TMUB1: variants seen among roughly 807,000 people sequenced by gnomAD.
The protein encoded by TMUB1 is transmembrane and ubiquitin like domain containing 1.
In TMUB1, 9 loss-of-function variants were observed where a neutral mutation model predicts 16.2. That is an observed-to-expected ratio of 0.55 (90% CI 0.33 to 0.97). The LOEUF (loss-of-function observed/expected upper bound fraction) is 0.97, where lower values mean the gene tolerates loss of function less well. Ranked by LOEUF, TMUB1 falls within the 50% of genes least tolerant of loss-of-function variation. TMUB1 has a pLI of 0.03. For synonymous variants in TMUB1, 155 were observed against 152.2 expected, an observed-to-expected ratio of 1.02 and a Z score of -0.13; for missense variants, 309 against 313.5, an observed-to-expected ratio of 0.99 and a Z score of 0.11.
Position 151,082,614 on chromosome 7 carries a change from C to G in TMUB1, c.-30-21G>C, listed in dbSNP as rs1345924328. On this transcript the variant is annotated intron_variant, in intron 1 of 2. Transcript: ENST00000297533. This position sits in a 1 kb window ranked among gnomAD's most constrained non-coding sequence, Gnocchi z 7.0. ...CCGAGCTGGAGAGGCACAAAGAGCCCGTGAGGCCCGGGCCCCCTGGCCAGG... is the reference window on the plus strand; with the variant it reads ...CCGAGCTGGAGAGGCACAAAGAGCCGGTGAGGCCCGGGCCCCCTGGCCAGG... 4.1e-6 allele frequency: 6 copies of G among 1,453,686 alleles called. No individual in the cohort carries two copies. The allele number at this position is 1,453,686 out of a possible 1,614,324, so 90.0% of individuals were successfully genotyped here. A position where few individuals can be genotyped will look rare whatever the true frequency, so the allele number is the denominator to read the frequency against.
In TMUB1 at chr7:151,081,900, C is replaced by T. The variant is rs999286658; in HGVS notation, c.390G>A (p.Arg130=). Residue 130 remains arginine (R), a splice_region_variant and synonymous_variant, in exon 3 of 3, where the codon AGG becomes AGA. Transcript: ENST00000297533. This position sits in a 1 kb window ranked among gnomAD's most constrained non-coding sequence, Gnocchi z 7.6. ...GCTGTTCCCGGCCGGGAAACTGGGT[C>T]CTGAGGAGAGAGGGACCTGGGTAAG... is the stretch of plus-strand genomic sequence containing the variant. ...WPHDTIGSLK[R]TQFPGREQQV... is the part of the protein sequence containing the mutation. The T allele has an allele frequency of 4.1e-6, 6 of 1,479,074 alleles. No homozygotes were observed. The highest frequency in any genetic ancestry group is 3.6e-4 in the Middle Eastern group (2 of 5,524). The allele number at this position is 1,479,074 out of a possible 1,614,324, so 91.6% of individuals were successfully genotyped here. A position where few individuals can be genotyped will look rare whatever the true frequency, so the allele number is the denominator to read the frequency against.
In TMUB1 at chr7:151,081,518, C is replaced by T; in HGVS notation, c.*31G>A. 6.6e-7 allele frequency: 1 copy of T among 1,517,652 alleles called. No individual in the cohort carries two copies. Among genetic ancestry groups the T allele is most frequent in the Non-Finnish European group, 8.9e-7 (1 of 1,129,262 alleles). 94.0% of individuals were successfully genotyped at this position (1,517,652 alleles called of 1,614,324 possible). A position where few individuals can be genotyped will look rare whatever the true frequency, so the allele number is the denominator to read the frequency against. ...GCGCGGGGAGCAAGGTCCGGAGGGG[C>T]CGGCGACGCTGCCAAGCGCCCGCGG... On this transcript the variant is annotated 3_prime_UTR_variant, in exon 3 of 3. Transcript: ENST00000297533. The surrounding 1 kb of genome is among the most constrained non-coding windows in gnomAD (Gnocchi z 7.6).
Position 151,082,610 on chromosome 7 carries a change from A to G in TMUB1, c.-30-17T>C. The G allele has an allele frequency of 6.9e-7, 1 of 1,456,706 alleles. No individual in the cohort carries two copies. The highest frequency in any genetic ancestry group is 9.1e-7 in the Non-Finnish European group (1 of 1,103,490). 90.2% of individuals were successfully genotyped at this position (1,456,706 alleles called of 1,614,324 possible). ...GCTACCGAGCTGGAGAGGCACAAAGAGCCCGTGAGGCCCGGGCCCCCTGGC... is the reference window on the plus strand; with the variant it reads ...GCTACCGAGCTGGAGAGGCACAAAGGGCCCGTGAGGCCCGGGCCCCCTGGC... On this transcript the variant is annotated splice_polypyrimidine_tract_variant and intron_variant, in intron 1 of 2. Transcript: ENST00000297533. The surrounding 1 kb of genome is among the most constrained non-coding windows in gnomAD (Gnocchi z 7.0).
rs984727049 is a variant in TMUB1 at position 151,082,075 on chromosome 7, G to C, written c.389+100C>G. On this transcript the variant is annotated intron_variant, in intron 2 of 2. Transcript: ENST00000297533. The surrounding 1 kb of genome is among the most constrained non-coding windows in gnomAD (Gnocchi z 7.0). Reference sequence around the variant, plus strand: ...TGATCTGGGGCGCTCAGCGCCTCCAGTATAAAGGAGGGCTGGGTCTTAGGT... The same window carrying C: ...TGATCTGGGGCGCTCAGCGCCTCCACTATAAAGGAGGGCTGGGTCTTAGGT... The C allele has an allele frequency of 3.4e-6, 5 of 1,449,778 alleles. No individual in the cohort carries two copies. Among genetic ancestry groups the C allele is most frequent in the African/African-American group, 2.8e-5 (2 of 70,228 alleles). 89.8% of individuals were successfully genotyped at this position (1,449,778 alleles called of 1,614,324 possible). A position where few individuals can be genotyped will look rare whatever the true frequency, so the allele number is the denominator to read the frequency against.
chr7:151,082,576 G>C lies in TMUB1; in HGVS notation c.-13C>G. ...CAATCAGGGTCATGGCGCCTGCCTT[G>C]CCCGCCGCGCTACCGAGCTGGAGAG... On this transcript the variant is annotated 5_prime_UTR_variant, in exon 2 of 3. Transcript: ENST00000297533. The surrounding 1 kb of genome is among the most constrained non-coding windows in gnomAD (Gnocchi z 7.0). 1 of 1,483,506 alleles carries C rather than the reference G, an allele frequency of 6.7e-7. No homozygotes were observed. 91.9% of individuals were successfully genotyped at this position (1,483,506 alleles called of 1,614,324 possible).
rs779156855 is a variant in TMUB1, at chr7:151,081,794, C to T, written c.496G>A (p.Val166Ile). 1.3e-6 allele frequency: 2 copies of T among 1,587,314 alleles called. No homozygotes were observed. The highest frequency in any genetic ancestry group is 1.1e-5 in the South Asian group (1 of 87,234). Residue 166 changes from valine (V) to isoleucine (I), a missense_variant, in exon 3 of 3, where the codon GTT becomes ATT. Coordinates refer to ENST00000297533, the MANE Select transcript of TMUB1 (RefSeq NM_001136044.2). This position sits in a 1 kb window ranked among gnomAD's most constrained non-coding sequence, Gnocchi z 7.6. The part of the protein sequence containing the change: ...LGSLHLPPNC[V>I]LHCHVSTRVG... ...CTCGTGGACACGTGGCAGTGGAGAA[C>T]GCAGTTGGGAGGGAGGTGAAGGCTG...
In TMUB1 at chr7:151,081,345, C is replaced by G; in HGVS notation, c.*204G>C. On this transcript the variant is annotated 3_prime_UTR_variant, in exon 3 of 3. Coordinates refer to ENST00000297533, the MANE Select transcript of TMUB1 (RefSeq NM_001136044.2). This position sits in a 1 kb window ranked among gnomAD's most constrained non-coding sequence, Gnocchi z 7.6. ...CCCAGTGCGGGCTGAGGGTCAGCAG[C>G]CCCGGGAGGTGGCCCCGAGCCCCGG... is the stretch of plus-strand genomic sequence containing the variant. 1 of 949,560 alleles carries G rather than the reference C, an allele frequency of 1.1e-6. No individual in the cohort carries two copies. Among genetic ancestry groups the G allele is most frequent in the Non-Finnish European group, 1.3e-6 (1 of 743,368 alleles). The allele number at this position is 949,560 out of a possible 1,614,324, so 58.8% of individuals were successfully genotyped here. A position where few individuals can be genotyped will look rare whatever the true frequency, so the allele number is the denominator to read the frequency against.
At position 151,082,195 on chromosome 7, in the gene TMUB1, G is replaced by A. The variant is rs1184233417; in HGVS notation, c.369C>T (p.Asp123=). ...CTTACCTTTTCAAGGAGCCAATGGT[G>A]TCGTGGGGCCAGGCCCTGGCCACCT... The part of the protein sequence containing the change: ...SEQVARAWPH[D]TIGSLKRTQF... The change falls in exon 2 of 3, where the codon GAC becomes GAT. Residue 123 remains aspartate, a synonymous_variant. Transcript: ENST00000297533. The surrounding 1 kb of genome is among the most constrained non-coding windows in gnomAD (Gnocchi z 7.0). 2 of 1,512,612 alleles carry A rather than the reference G, an allele frequency of 1.3e-6. No homozygotes were observed. Among genetic ancestry groups the A allele is most frequent in the Non-Finnish European group, 1.8e-6 (2 of 1,129,186 alleles). The allele number at this position is 1,512,612 out of a possible 1,614,324, so 93.7% of individuals were successfully genotyped here.
chr7:151,081,354 G>A lies in TMUB1; in HGVS notation c.*195C>T. 2 of 1,030,758 alleles carry A rather than the reference G, an allele frequency of 1.9e-6. No individual in the cohort carries two copies. The highest frequency in any genetic ancestry group is 2.5e-6 in the Non-Finnish European group (2 of 815,182). 63.9% of individuals were successfully genotyped at this position (1,030,758 alleles called of 1,614,324 possible). ...GGCTGAGGGTCAGCAGCCCCGGGAG[G>A]TGGCCCCGAGCCCCGGCGGTCGCAG... On this transcript the variant is annotated 3_prime_UTR_variant, in exon 3 of 3. Coordinates refer to ENST00000297533, the MANE Select transcript of TMUB1 (RefSeq NM_001136044.2). This position sits in a 1 kb window ranked among gnomAD's most constrained non-coding sequence, Gnocchi z 7.6.
At position 151,082,392 on chromosome 7, in the gene TMUB1, C is replaced by T; in HGVS notation, c.172G>A (p.Ala58Thr). 1.2e-6 allele frequency: 2 copies of T among 1,604,094 alleles called. No individual in the cohort carries two copies. Among genetic ancestry groups the T allele is most frequent in the Non-Finnish European group, 1.7e-6 (2 of 1,174,884 alleles). ...TPSQPSAAMAATDSMRGEAPG... is the reference protein window; with the variant it reads ...TPSQPSAAMATTDSMRGEAPG... ...GCCTCCCCTCTCATGCTGTCGGTAGCTGCCATGGCTGCGCTGGGCTGGGAT... is the reference window on the plus strand; with the variant it reads ...GCCTCCCCTCTCATGCTGTCGGTAGTTGCCATGGCTGCGCTGGGCTGGGAT... Residue 58 changes from alanine (A) to threonine (T), a missense_variant, in exon 2 of 3, where the codon GCT becomes ACT. Physicochemically the swap from Ala to Thr is moderately conservative, Grantham distance 58. Transcript: ENST00000297533. The surrounding 1 kb of genome is among the most constrained non-coding windows in gnomAD (Gnocchi z 7.0).
At position 151,081,446 on chromosome 7, in the gene TMUB1, A is replaced by AGGCAGGCCGGAGAGGCGGGCCTG. The variant is rs1797981929; in HGVS notation, c.*80_*102dup. ...GGCTGGGCTCCAGGGCGGCGGGAAG[A>AGGCAGGCCGGAGAGGCGGGCCTG]GGCAGGCCGGAGAGGCGGGCCTGGG... On this transcript the variant is annotated 3_prime_UTR_variant, in exon 3 of 3. Transcript: ENST00000297533. This position sits in a 1 kb window ranked among gnomAD's most constrained non-coding sequence, Gnocchi z 7.6. 1.0e-4 allele frequency: 138 copies of AGGCAGGCCGGAGAGGCGGGCCTG among 1,374,942 alleles called. No homozygotes were observed. The South Asian group carries it at 2.3e-3, about 23-fold the overall frequency. 85.2% of individuals were successfully genotyped at this position (1,374,942 alleles called of 1,614,324 possible).
Position 151,082,691 on chromosome 7 carries a change from C to A in TMUB1, c.-30-98G>T. The stretch of plus-strand genomic sequence containing the variant: ...CCCTCACCCCACCGCGACGCTCCCA[C>A]CGTCCTCAGCCTCCGTCCCCTCACC... On this transcript the variant is annotated intron_variant, in intron 1 of 2. Transcript: ENST00000297533. This position sits in a 1 kb window ranked among gnomAD's most constrained non-coding sequence, Gnocchi z 7.0. 1 of 998,634 alleles carries A rather than the reference C, an allele frequency of 1.0e-6. No homozygotes were observed. The highest frequency in any genetic ancestry group is 1.3e-6 in the Non-Finnish European group (1 of 754,616). 61.9% of individuals were successfully genotyped at this position (998,634 alleles called of 1,614,324 possible). A position where few individuals can be genotyped will look rare whatever the true frequency, so the allele number is the denominator to read the frequency against.
chr7:151,081,618 G>T lies in TMUB1; in HGVS notation c.672C>A (p.Thr224=), dbSNP rs780048919. The change falls in exon 3 of 3, where the codon ACC becomes ACA. Residue 224 remains threonine (T), a synonymous_variant. Transcript: ENST00000297533. The surrounding 1 kb of genome is among the most constrained non-coding windows in gnomAD (Gnocchi z 7.6). ...QIQYRPFFPL[T]ATLGLAGFTL... is the part of the protein sequence containing the mutation. ...TGAAGCCGGCCAGGCCCAGAGTGGC[G>T]GTCAGGGGAAAGAAGGGCCGGTACT... The T allele has an allele frequency of 3.9e-5, 62 of 1,605,216 alleles. 2 individuals are homozygous for T. The South Asian group carries it at 6.3e-4, about 16-fold the overall frequency.
rs755065293 is a variant in TMUB1, at chr7:151,081,787, T to C, written c.503A>G (p.His168Arg). The stretch of plus-strand genomic sequence containing the variant: ...ACCGACTCTCGTGGACACGTGGCAG[T>C]GGAGAACGCAGTTGGGAGGGAGGTG... Reference protein sequence around the residue: ...SLHLPPNCVLHCHVSTRVGPP... With the variant: ...SLHLPPNCVLRCHVSTRVGPP... The change falls in exon 3 of 3, where the codon CAC (histidine) becomes CGC (arginine). Residue 168 changes from histidine (H) to arginine (R), a missense_variant. Coordinates refer to ENST00000297533, the MANE Select transcript of TMUB1 (RefSeq NM_001136044.2). The surrounding 1 kb of genome is among the most constrained non-coding windows in gnomAD (Gnocchi z 7.6). 6.3e-7 allele frequency: 1 copy of C among 1,591,284 alleles called. No homozygotes were observed. Among genetic ancestry groups the C allele is most frequent in the Non-Finnish European group, 8.6e-7 (1 of 1,169,294 alleles).
rs911397157 is a variant in TMUB1, at chr7:151,082,504, G to T, written c.60C>A (p.Cys20Ter). ...EVTVLFSVLACLLVLALAWVS... is the reference protein window; with the variant it reads ...EVTVLFSVLA ...CCCAGGCAAGGGCCAGCACCAGAAGGCAGGCAAGCACCGAGAAAAGGACGG... is the reference window on the plus strand; with the variant it reads ...CCCAGGCAAGGGCCAGCACCAGAAGTCAGGCAAGCACCGAGAAAAGGACGG... Residue 20 changes from cysteine (C) to a stop codon, truncating the protein, a stop_gained, in exon 2 of 3, where the codon TGC becomes TGA. Transcript: ENST00000297533. LOFTEE classifies it high-confidence loss of function. The surrounding 1 kb of genome is among the most constrained non-coding windows in gnomAD (Gnocchi z 7.0). 2.6e-6 allele frequency: 4 copies of T among 1,557,032 alleles called. No homozygotes were observed. Among genetic ancestry groups the T allele is most frequent in the Non-Finnish European group, 3.5e-6 (4 of 1,151,208 alleles).
rs781408209 is a variant in TMUB1 at position 151,081,596 on chromosome 7, A to G, written c.694T>C (p.Phe232Leu). ...PLTATLGLAG[F>L]TLLLSLLAFA... is the part of the protein sequence containing the mutation. ...GCCAGGAGACTGAGGAGCAGGGTGA[A>G]GCCGGCCAGGCCCAGAGTGGCGGTC... The change falls in exon 3 of 3, where the codon TTC becomes CTC. Residue 232 changes from phenylalanine (F) to leucine (L), a missense_variant. Phe to Leu is a conservative substitution (Grantham distance 22). Transcript: ENST00000297533. This position sits in a 1 kb window ranked among gnomAD's most constrained non-coding sequence, Gnocchi z 7.6. 10 of 1,608,976 alleles carry G rather than the reference A, an allele frequency of 6.2e-6. No homozygotes were observed. In the Admixed American group the frequency reaches 1.7e-4, roughly 27 times the overall value.
chr7:151,081,761 G>T lies in TMUB1; in HGVS notation c.529C>A (p.Pro177Thr). 3 of 1,594,120 alleles carry T rather than the reference G, an allele frequency of 1.9e-6. No individual in the cohort carries two copies. The highest frequency in any genetic ancestry group is 1.1e-5 in the South Asian group (1 of 87,948). Reference protein sequence around the residue: ...LHCHVSTRVGPPNPPCPPGSE... With the variant: ...LHCHVSTRVGTPNPPCPPGSE... The stretch of plus-strand genomic sequence containing the variant: ...CCCGGCGGGCAGGGGGGATTTGGGG[G>T]ACCGACTCTCGTGGACACGTGGCAG... The change falls in exon 3 of 3, where the codon CCC becomes ACC. Residue 177 changes from proline to threonine, a missense_variant. Transcript: ENST00000297533. This position sits in a 1 kb window ranked among gnomAD's most constrained non-coding sequence, Gnocchi z 7.6.
rs1203855866 is a variant in TMUB1, at chr7:151,082,547, C to T, written c.17G>A (p.Gly6Glu). The T allele has an allele frequency of 6.6e-7, 1 of 1,508,092 alleles. No homozygotes were observed. The highest frequency in any genetic ancestry group is 2.4e-5 in the East Asian group (1 of 41,838). The allele number at this position is 1,508,092 out of a possible 1,614,324, so 93.4% of individuals were successfully genotyped here. Residue 6 changes from glycine to glutamate, a missense_variant, in exon 2 of 3, where the codon GGG becomes GAG. Coordinates refer to ENST00000297533, the MANE Select transcript of TMUB1 (RefSeq NM_001136044.2). The surrounding 1 kb of genome is among the most constrained non-coding windows in gnomAD (Gnocchi z 7.0). MTLIE[G>E]VGDEVTVLFS... ...AAGGACGGTCACCTCATCACCCACC[C>T]CTTCAATCAGGGTCATGGCGCCTGC... is the stretch of plus-strand genomic sequence containing the variant.
Position 151,082,150 on chromosome 7 carries a change from T to C in TMUB1, c.389+25A>G, listed in dbSNP as rs1330633437. 6.7e-7 allele frequency: 1 copy of C among 1,497,686 alleles called. No homozygotes were observed. Among genetic ancestry groups the C allele is most frequent in the East Asian group, 2.4e-5 (1 of 42,186 alleles). The allele number at this position is 1,497,686 out of a possible 1,614,324, so 92.8% of individuals were successfully genotyped here. ...CTCTCCCAACCCCTGTCTTTAGCATTGCTCCTGCCTCTTGACCTACTTACC... is the reference window on the plus strand; with the variant it reads ...CTCTCCCAACCCCTGTCTTTAGCATCGCTCCTGCCTCTTGACCTACTTACC... On this transcript the variant is annotated intron_variant, in intron 2 of 2. Coordinates refer to ENST00000297533, the MANE Select transcript of TMUB1 (RefSeq NM_001136044.2). The surrounding 1 kb of genome is among the most constrained non-coding windows in gnomAD (Gnocchi z 7.0).
Sources: allele counts gnomAD v4.1 joint callset, GRCh38; gene constraint gnomAD v4.1.1; non-coding constraint Gnocchi (gnomAD v3.1); transcripts MANE v1.5; gene names NCBI Gene and HGNC (gene_info 2026-07-23, HGNC 2026-07-21).